The following MKLN1 variants were observed in gnomAD, a reference collection of about 807,000 sequenced individuals.
MKLN1 encodes muskelin.
Under a neutral mutation model 99.0 loss-of-function variants are expected in MKLN1, and 18 were observed. The observed-to-expected ratio is 0.18, with a 90% CI of 0.13 to 0.27. The LOEUF (loss-of-function observed/expected upper bound fraction) is 0.27. Ranked by LOEUF, MKLN1 falls within the 10% of genes least tolerant of loss-of-function variation. The pLI, the probability that MKLN1 is intolerant of heterozygous loss-of-function variation, is 1.00. For synonymous variants in MKLN1, 288 were observed against 293.2 expected (o/e 0.98, Z 0.18); for missense variants, 621 against 875.9 (o/e 0.71, Z 3.67).
At chr7:131,234,998 C>T (rs989711501) in intron 3 of MKLN1, among the ~76,000 whole-genome samples, 1 of 152,196 alleles carries the variant, frequency 6.6e-6, no homozygotes, top group Non-Finnish European at 1.5e-5. Flanking sequence ...GTTTGCTCAT[C>T]GTTTAAGGAA....
At chr7:131,272,843 A>G (rs1584882097) in intron 3 of MKLN1, among the ~76,000 whole-genome samples, 1 of 152,042 alleles carries the variant, frequency 6.6e-6, no homozygotes, top group African/African-American at 2.4e-5. Flanking sequence ...TGGTTCAATT[A>G]CCCCTCCCCG....
chr7:131,367,081 T>C (rs1330399703), intron 1 of MKLN1, among the ~76,000 whole-genome samples: 1 of 152,228 alleles, frequency 6.6e-6, no homozygotes, highest in Non-Finnish European at 1.5e-5. Flanking sequence ...GTTACCCATT[T>C]GTGTTTCATT....
chr7:131,470,979 G>A (rs1042960440), intron 16 of MKLN1, 35 bp downstream of exon 16: 1 of 1,443,080 alleles, frequency 6.9e-7, no homozygotes, highest in Non-Finnish European at 9.6e-7. Context: ...CAGAAATTAA[G>A]TATTTTTAAA....
At chr7:131,275,770 G>A (rs1797962923) in intron 3 of MKLN1, among the ~76,000 whole-genome samples, 1 of 151,198 alleles carries the variant, frequency 6.6e-6, no homozygotes, top group African/African-American at 2.4e-5. Flanking sequence ...ATATCAATTT[G>A]AGAGGTTGTT....
rs535557068 is a variant in MKLN1 at position 131,121,531 on chromosome 7, G to C, written c.-419+11324G>C. 2.3e-4 allele frequency among the ~76,000 whole-genome samples: 35 copies of C among 151,138 alleles called. 1 individual carries two copies. The highest frequency in any genetic ancestry group is 4.6e-4 in the Admixed American group (7 of 15,092). On this transcript the variant is annotated intron_variant, in intron 1 of 7. Coordinates refer to the MKLN1 transcript ENST00000416992. Reference sequence around the variant, plus strand: ...CGGGTGCCTGCAGTCCCAGCTACTCGGGAGGCTGAGGCAGGGGAATAGCAT... The same window carrying C: ...CGGGTGCCTGCAGTCCCAGCTACTCCGGAGGCTGAGGCAGGGGAATAGCAT...
intron 14 of MKLN1, 141 bp downstream of exon 14, chr7:131,464,549 C>A: frequency 1.9e-6 from 1 of 527,946 alleles, no homozygotes; most frequent in Non-Finnish European, 3.4e-6. Flanking sequence ...AACAAACACC[C>A]AATATCACTT....
intron 10 of MKLN1, among the ~76,000 whole-genome samples, chr7:131,441,851 G>A (rs1231433503): frequency 6.6e-6 from 1 of 152,190 alleles, no homozygotes; most frequent in Admixed American, 6.5e-5. Flanking sequence ...AATAAAAAAT[G>A]GAAATAGACT....
At chr7:131,135,173 A>G (rs1025004885) in intron 1 of MKLN1, among the ~76,000 whole-genome samples, 1 of 152,184 alleles carries the variant, frequency 6.6e-6, no homozygotes, top group African/African-American at 2.4e-5. Context: ...CCCAGGCTGG[A>G]GTGCAGCAGA....
At chr7:131,447,854 C>G (rs1034214531) in intron 12 of MKLN1, among the ~76,000 whole-genome samples, 6 of 152,150 alleles carry the variant, frequency 3.9e-5, no homozygotes, top group African/African-American at 1.4e-4. Context: ...TACACAACTA[C>G]GTAATGACAG....
At chr7:131,456,028 A>G (rs1156371883) in intron 12 of MKLN1, among the ~76,000 whole-genome samples, 2 of 144,252 alleles carry the variant, frequency 1.4e-5, no homozygotes, top group East Asian at 4.1e-4. Flanking sequence ...CCTGAGTGAC[A>G]GAGTGAGACT....
chr7:131,242,381 TA>T (rs1563264382), intron 3 of MKLN1, among the ~76,000 whole-genome samples: 1 of 151,976 alleles, frequency 6.6e-6, no homozygotes, highest in Non-Finnish European at 1.5e-5. Context: ...CAAAAAATTT[TA>T]AAAATTAGCT....
At chr7:131,122,926 G>A (rs1344151995) in intron 1 of MKLN1, among the ~76,000 whole-genome samples, 1 of 150,604 alleles carries the variant, frequency 6.6e-6, no homozygotes, top group Non-Finnish European at 1.5e-5. Context: ...GGGAGGCTGA[G>A]GCAGGAGAAC....
intron 3 of MKLN1, among the ~76,000 whole-genome samples, chr7:131,290,249 G>C (rs1343502870): frequency 6.6e-6 from 1 of 152,182 alleles, no homozygotes; most frequent in Non-Finnish European, 1.5e-5. Context: ...AGGTTGCAGT[G>C]AGCCGAGATC....
chr7:131,214,632 A>G (rs1796952361), intron 3 of MKLN1, among the ~76,000 whole-genome samples: 1 of 151,832 alleles, frequency 6.6e-6, no homozygotes, highest in South Asian at 2.1e-4. Context: ...GAAATAATAA[A>G]CCTCTTATTG....
At chr7:131,240,051 C>T (rs142601601) in intron 3 of MKLN1, among the ~76,000 whole-genome samples, 93 of 152,050 alleles carry the variant, frequency 6.1e-4, no homozygotes, top group Admixed American at 1.0e-3. Context: ...CATGATGGTG[C>T]GTGCTTTTAG....
At chr7:131,300,601 C>A (rs893718715) in intron 3 of MKLN1, among the ~76,000 whole-genome samples, 3 of 149,436 alleles carry the variant, frequency 2.0e-5, no homozygotes, top group Admixed American at 1.3e-4. Flanking sequence ...GCAGGAGAAT[C>A]GCTTGAACTC....
At chr7:131,333,177 G>A (rs1799129663) in intron 1 of MKLN1, among the ~76,000 whole-genome samples, 1 of 152,058 alleles carries the variant, frequency 6.6e-6, no homozygotes, top group Non-Finnish European at 1.5e-5. Context: ...ACTTGCTTTG[G>A]CCTCCCTAAG....
intron 3 of MKLN1, among the ~76,000 whole-genome samples, chr7:131,303,307 C>G (rs907359631): frequency 1.3e-5 from 2 of 152,212 alleles, no homozygotes; most frequent in African/African-American, 4.8e-5. Context: ...GCTGCCACCT[C>G]CTGGGAGAAG....
intron 1 of MKLN1, among the ~76,000 whole-genome samples, chr7:131,370,380 T>TG (rs2116832187): frequency 6.6e-6 from 1 of 152,144 alleles, no homozygotes; most frequent in African/African-American, 2.4e-5. Flanking sequence ...GTTTTTTTTT[T>TG]TTTTAAGGAA....
Sources: gnomAD v4.1 joint callset for allele counts (sites outside exome capture counted in the v4.1 genomes callset) on GRCh38, gnomAD v4.1.1 for gene constraint, MANE v1.5 for transcripts, NCBI Gene and HGNC (gene_info 2026-07-23, HGNC 2026-07-21) for gene names.